Variants in RPS6KA2 observed in about 807,000 individuals in gnomAD.
RPS6KA2 encodes the protein ribosomal protein S6 kinase A2, also known as ribosomal protein S6 kinase alpha-2.
RPS6KA2 carries 42 observed loss-of-function variants against 91.8 expected under a neutral mutation model. That is an observed-to-expected ratio of 0.46 (90% CI 0.36 to 0.59). RPS6KA2 has a LOEUF of 0.59. RPS6KA2 is among the 20% of genes least tolerant of loss of function. The pLI, the probability that RPS6KA2 is intolerant of heterozygous loss-of-function variation, is 0.00. For synonymous variants in RPS6KA2, 414 were observed against 393.6 expected (o/e 1.05, Z -0.61); for missense variants, 798 against 978.5 (o/e 0.82, Z 2.46).
At chr6:166,546,057 T>C (rs1783815083) in intron 1 of RPS6KA2, among the ~76,000 whole-genome samples, 1 of 152,210 alleles carries the variant, frequency 6.6e-6, no homozygotes, top group Non-Finnish European at 1.5e-5. Flanking sequence ...GGTGTTGGTG[T>C]CTGACACGGT....
chr6:166,518,812 C>T (rs185663869), intron 3 of RPS6KA2, among the ~76,000 whole-genome samples: 1 of 152,344 alleles, frequency 6.6e-6, no homozygotes, highest in Non-Finnish European at 1.5e-5. Context: ...CAAGGACAGT[C>T]ATTACACCAA....
intron 3 of RPS6KA2, among the ~76,000 whole-genome samples, chr6:166,530,070 C>A (rs192875558): frequency 1.4e-4 from 21 of 152,316 alleles, no homozygotes; most frequent in Admixed American, 2.6e-4. Context: ...ACATATATCT[C>A]ATTTCCTCAG....
rs1778277251 is a variant in RPS6KA2 at position 166,410,894 on chromosome 6, T to C, written c.*1868A>G. On this transcript the variant is annotated 3_prime_UTR_variant, in exon 21 of 21. Transcript: ENST00000265678. Reference sequence around the variant, plus strand: ...TTTGTTCATTTCTGGGAGGACAGATTGTGTGACCTCAGGATTATCCACTTC... The same window carrying C: ...TTTGTTCATTTCTGGGAGGACAGATCGTGTGACCTCAGGATTATCCACTTC... 6.6e-6 allele frequency: 1 copy of C among 152,050 alleles called. No individual in the cohort carries two copies. The highest frequency in any genetic ancestry group is 6.6e-5 in the Admixed American group (1 of 15,244). 9.4% of individuals were successfully genotyped at this position (152,050 alleles called of 1,614,324 possible).
At chr6:166,604,468 C>A (rs573210378) in intron 1 of RPS6KA2, among the ~76,000 whole-genome samples, 2 of 152,176 alleles carry the variant, frequency 1.3e-5, no homozygotes, top group African/African-American at 4.8e-5. Context: ...CGTGCTTCCC[C>A]GCTGGGGTAA....
chr6:166,747,000 C>T (rs933886895), intron 2 of RPS6KA2, among the ~76,000 whole-genome samples: 1 of 152,222 alleles, frequency 6.6e-6, no homozygotes, highest in Non-Finnish European at 1.5e-5. Context: ...GCCCTCTGGG[C>T]AGCACGACCC....
At chr6:166,675,152 G>T (rs1788582210) in intron 2 of RPS6KA2, among the ~76,000 whole-genome samples, 1 of 152,212 alleles carries the variant, frequency 6.6e-6, no homozygotes, top group Non-Finnish European at 1.5e-5. Flanking sequence ...CAGCTTGCCA[G>T]CAAGCGGAGG....
At chr6:166,693,269 T>G (rs983196031) in intron 2 of RPS6KA2, among the ~76,000 whole-genome samples, 3 of 152,220 alleles carry the variant, frequency 2.0e-5, no homozygotes, top group African/African-American at 7.2e-5. Flanking sequence ...ATCCAGATGT[T>G]CTGGGACCTT....
intron 3 of RPS6KA2, among the ~76,000 whole-genome samples, chr6:166,512,654 C>T (rs539865316): frequency 4.6e-5 from 7 of 152,226 alleles, no homozygotes; most frequent in Admixed American, 2.0e-4. Flanking sequence ...AGGTGGTGAC[C>T]GTGGTGTATG....
intron 2 of RPS6KA2, among the ~76,000 whole-genome samples, chr6:166,661,924 T>C (rs561380245): frequency 6.6e-6 from 1 of 152,342 alleles, no homozygotes; most frequent in South Asian, 2.1e-4. Flanking sequence ...CATGTTGTAT[T>C]GAATCGTACA....
intron 2 of RPS6KA2, among the ~76,000 whole-genome samples, chr6:166,795,067 A>G (rs956128476): frequency 6.6e-6 from 1 of 152,094 alleles, no homozygotes; most frequent in African/African-American, 2.4e-5. Context: ...TCTAAAAGAA[A>G]TGTTTATACT....
chr6:166,776,079 G>A (rs1562432798), intron 2 of RPS6KA2, among the ~76,000 whole-genome samples: 4 of 152,152 alleles, frequency 2.6e-5, no homozygotes, highest in Admixed American at 6.5e-5. Flanking sequence ...AGGCTGGGGC[G>A]CTCACCACTC....
chr6:166,728,075 T>C (rs1273080135), intron 2 of RPS6KA2, among the ~76,000 whole-genome samples: 3 of 152,174 alleles, frequency 2.0e-5, no homozygotes, highest in Non-Finnish European at 2.9e-5. Context: ...ATAAGTAATC[T>C]AGAGATAATT....
rs536653988 is a variant in RPS6KA2 at position 166,683,768 on chromosome 6, C to T, written c.124-144984G>A. Reference sequence around the variant, plus strand: ...CCAGGGCCTCACTCCACCGCTGATACGCTGGTAGCTGAATCTCGTCCGACC... The same window carrying T: ...CCAGGGCCTCACTCCACCGCTGATATGCTGGTAGCTGAATCTCGTCCGACC... On this transcript the variant is annotated intron_variant, in intron 2 of 21. Coordinates refer to the RPS6KA2 transcript ENST00000503859. Among the ~76,000 whole-genome samples the T allele has an allele frequency of 1.5e-4, 23 of 152,350 alleles. No homozygotes were observed. In the South Asian group the frequency reaches 3.1e-3, roughly 21 times the overall value.
chr6:166,596,225 T>C (rs1176154214), intron 1 of RPS6KA2, among the ~76,000 whole-genome samples: 1 of 152,024 alleles, frequency 6.6e-6, no homozygotes, highest in Non-Finnish European at 1.5e-5. Context: ...TCGGTTTGAG[T>C]TTATGGTCAA....
intron 2 of RPS6KA2, among the ~76,000 whole-genome samples, chr6:166,765,077 G>A (rs1778276246): frequency 7.5e-6 from 1 of 133,120 alleles, no homozygotes. Flanking sequence ...CTCCAGGGCA[G>A]GTGGCAGGAG....
intron 1 of RPS6KA2, among the ~76,000 whole-genome samples, chr6:166,619,932 C>T (rs947617750): frequency 6.6e-6 from 1 of 152,196 alleles, no homozygotes; most frequent in African/African-American, 2.4e-5. Flanking sequence ...AAAACAAAGT[C>T]ATTCAAAGTA....
chr6:166,780,356 C>T (rs2128610077), intron 2 of RPS6KA2, among the ~76,000 whole-genome samples: 1 of 152,254 alleles, frequency 6.6e-6, no homozygotes, highest in Admixed American at 6.5e-5. Context: ...GGCCACCTGG[C>T]CATGGGGAGA....
At position 166,561,167 on chromosome 6, in the gene RPS6KA2, C is replaced by T. The variant is rs372051046; in HGVS notation, c.100-22383G>A. ...CTGGGTGCACTTGTGCACACACACT[C>T]CCCCTGGAGCCCTACACACCTCATT... On this transcript the variant is annotated intron_variant, in intron 1 of 20. Coordinates refer to ENST00000265678, the MANE Select transcript of RPS6KA2 (RefSeq NM_021135.6). Among the ~76,000 whole-genome samples the T allele has an allele frequency of 5.3e-5, 8 of 152,082 alleles. No individual in the cohort carries two copies. The East Asian group carries it at 7.7e-4, about 15-fold the overall frequency.
intron 1 of RPS6KA2, among the ~76,000 whole-genome samples, chr6:166,544,923 C>T (rs1783777580): frequency 6.6e-6 from 1 of 152,164 alleles, no homozygotes. Flanking sequence ...AACGAGTACC[C>T]TCAAGAATGG....
Sources: gnomAD v4.1 joint callset for allele counts (sites outside exome capture counted in the v4.1 genomes callset) on GRCh38, gnomAD v4.1.1 for gene constraint, MANE v1.5 for transcripts, NCBI Gene and HGNC (gene_info 2026-07-23, HGNC 2026-07-21) for gene names.